LIPI: variants seen among roughly 807,000 people sequenced by gnomAD.
LIPI encodes lipase member I.
In LIPI, 59 loss-of-function variants were observed where a neutral mutation model predicts 50.6. The ratio of observed to expected loss-of-function variants is 1.16; its 90% CI spans 0.94 to 1.45. The LOEUF (loss-of-function observed/expected upper bound fraction) is 1.45. Ranked by LOEUF, LIPI falls within the 40% of genes most tolerant of loss-of-function variation. The pLI, the probability that LIPI is intolerant of heterozygous loss-of-function variation, is 0.00. For missense variants in LIPI, 586 were observed against 536.3 expected (o/e 1.09, Z -0.92); for synonymous variants, 203 against 178.2 (o/e 1.14, Z -1.11).
intron 4 of LIPI, among the ~76,000 whole-genome samples, chr21:14,167,432 G>A (rs1381916592): frequency 3.9e-5 from 6 of 152,106 alleles, no homozygotes; most frequent in African/African-American, 9.7e-5. Context: ...CCTGACCCCC[G>A]ACCTCCAAGC....
intron 9 of LIPI, among the ~76,000 whole-genome samples, chr21:14,125,476 C>T (rs1041398869): frequency 6.6e-6 from 1 of 152,114 alleles, no homozygotes; most frequent in Non-Finnish European, 1.5e-5. Flanking sequence ...AAAAGGCAGA[C>T]GATGAGGAAA....
intron 4 of LIPI, among the ~76,000 whole-genome samples, chr21:14,169,381 A>G (rs936521424): frequency 6.6e-6 from 1 of 152,044 alleles, no homozygotes; most frequent in Non-Finnish European, 1.5e-5. Flanking sequence ...CATCTACAGA[A>G]CTCTCCACCC....
intron 4 of LIPI, among the ~76,000 whole-genome samples, chr21:14,180,684 T>C (rs1019208083): frequency 6.6e-6 from 1 of 152,220 alleles, no homozygotes; most frequent in Admixed American, 6.5e-5. Flanking sequence ...AACACTAAAC[T>C]ATGACTTCTT....
chr21:14,165,173 T>C (rs748633039), intron 6 of LIPI, 50 bp downstream of exon 6: 2 of 1,362,054 alleles, frequency 1.5e-6, no homozygotes, highest in Non-Finnish European at 2.1e-6. Context: ...CTAACAATTA[T>C]GTTATTCATA....
intron 4 of LIPI, among the ~76,000 whole-genome samples, chr21:14,170,666 C>T (rs561821524): frequency 6.6e-6 from 1 of 152,066 alleles, no homozygotes; most frequent in Non-Finnish European, 1.5e-5. Context: ...ATTCAACAAC[C>T]CTTCATGCTA....
intron 1 of LIPI, chr21:14,206,799 A>T: frequency 7.0e-7 from 1 of 1,423,032 alleles, no homozygotes; most frequent in Non-Finnish European, 9.9e-7. Flanking sequence ...AAGAAAGTGA[A>T]GTTAAAAGAG....
At chr21:14,112,028 G>A (rs1483993589) in intron 9 of LIPI, among the ~76,000 whole-genome samples, 1 of 151,936 alleles carries the variant, frequency 6.6e-6, no homozygotes, top group Non-Finnish European at 1.5e-5. Flanking sequence ...TAGAATCCTG[G>A]TATTGATTAT....
At chr21:14,208,878 G>A (rs975751819) in intron 1 of LIPI, among the ~76,000 whole-genome samples, 1 of 152,024 alleles carries the variant, frequency 6.6e-6, no homozygotes, top group African/African-American at 2.4e-5. Context: ...ATAGTGAAAC[G>A]CTGTCTCTCC....
At position 14,178,866 on chromosome 21, in the gene LIPI, C is replaced by T. The variant is rs561042614; in HGVS notation, c.643+2892G>A. ...TTATGTGAATTTCCTACAAAGAAGG[C>T]TATTGTTTGCTTCTGTCAGATAACT... On this transcript the variant is annotated intron_variant, in intron 4 of 9. Transcript: ENST00000681601. 9.1e-4 allele frequency among the ~76,000 whole-genome samples: 139 copies of T among 152,210 alleles called. 1 individual carries two copies. In the South Asian group the frequency reaches 0.028, roughly 31 times the overall value.
intron 4 of LIPI, among the ~76,000 whole-genome samples, chr21:14,176,633 G>T (rs1467535707): frequency 2.0e-5 from 3 of 150,310 alleles, no homozygotes; most frequent in East Asian, 3.9e-4. Flanking sequence ...GTGCATTAAA[G>T]ATAGAAAAGA....
intron 9 of LIPI, among the ~76,000 whole-genome samples, chr21:14,118,732 C>T (rs907427188): frequency 1.3e-5 from 2 of 152,178 alleles, no homozygotes; most frequent in African/African-American, 4.8e-5. Flanking sequence ...AGGACAGTCC[C>T]CCGGGGCTGG....
chr21:14,165,134 G>A (rs1161747550), intron 6 of LIPI, 89 bp downstream of exon 6: 2 of 983,468 alleles, frequency 2.0e-6, no homozygotes, highest in South Asian at 1.3e-5. Flanking sequence ...AGTAAACAGA[G>A]TGCACAGTTT....
At chr21:14,169,627 G>A (rs965227734) in intron 4 of LIPI, among the ~76,000 whole-genome samples, 5 of 152,162 alleles carry the variant, frequency 3.3e-5, no homozygotes, top group African/African-American at 4.8e-5. Flanking sequence ...GGTACATAAC[G>A]AAATGAAGGC....
chr21:14,153,637 C>G (rs1427388033), intron 7 of LIPI, among the ~76,000 whole-genome samples: 1 of 152,152 alleles, frequency 6.6e-6, no homozygotes, highest in Non-Finnish European at 1.5e-5. Context: ...GCCAGAAGAA[C>G]TGAAGCCCTG....
intron 9 of LIPI, among the ~76,000 whole-genome samples, chr21:14,135,144 T>A (rs1373157666): frequency 6.6e-6 from 1 of 152,184 alleles, no homozygotes; most frequent in African/African-American, 2.4e-5. Flanking sequence ...CATACATTTT[T>A]GTAAAGAAGA....
At chr21:14,194,822 G>C (rs1159901179) in intron 1 of LIPI, among the ~76,000 whole-genome samples, 1 of 152,112 alleles carries the variant, frequency 6.6e-6, no homozygotes, top group South Asian at 2.1e-4. Context: ...TTTTTTCTGT[G>C]TGTTTGACAC....
At chr21:14,186,127 G>T in intron 2 of LIPI, 58 bp from the exon 3 acceptor site, 1 of 929,976 alleles carries the variant, frequency 1.1e-6, no homozygotes, top group Non-Finnish European at 1.8e-6. Context: ...AACAAATCAT[G>T]CCCCCCTCAT....
intron 6 of LIPI, 135 bp from the exon 7 acceptor site, chr21:14,163,658 C>A (rs1340021155): frequency 6.4e-6 from 4 of 622,268 alleles, no homozygotes; most frequent in Non-Finnish European, 1.2e-5. Context: ...ACTTAAAAAG[C>A]ATTTTTTCAA....
intron 8 of LIPI, among the ~76,000 whole-genome samples, chr21:14,149,612 G>C (rs1239587638): frequency 2.0e-5 from 3 of 152,136 alleles, no homozygotes; most frequent in Non-Finnish European, 4.4e-5. Flanking sequence ...AAGCAAGTTA[G>C]TTACTTCCTA....
Sources: allele counts gnomAD v4.1 joint callset (sites outside exome capture counted in the v4.1 genomes callset), GRCh38; gene constraint gnomAD v4.1.1; transcripts MANE v1.5; gene names NCBI Gene and HGNC (gene_info 2026-07-23, HGNC 2026-07-21).